ATP5MC2: variants seen among roughly 807,000 people sequenced by gnomAD.
ATP5MC2 encodes ATP synthase F(0) complex subunit C2, mitochondrial.
A neutral mutation model predicts 13.5 loss-of-function variants in ATP5MC2; 11 were observed. The ratio of observed to expected loss-of-function variants is 0.81; its 90% CI spans 0.51 to 1.35. ATP5MC2 has a LOEUF of 1.35. Among genes scored for constraint, ATP5MC2 ranks in the 40% most tolerant of loss-of-function variants. The pLI is 0.00. For synonymous variants in ATP5MC2, 64 were observed against 69.7 expected (o/e 0.92, Z 0.41); for missense variants, 132 against 175.0 (o/e 0.75, Z 1.39).
upstream of ATP5MC2, chr12:53,676,186 C>A (rs35269323): frequency 9.2e-5 from 149 of 1,613,134 alleles, no homozygotes; most frequent in Non-Finnish European, 1.2e-4. Context: ...AGGATCAGCT[C>A]AGGCATCACA....
intron 1 of ATP5MC2, among the ~76,000 whole-genome samples, chr12:53,674,726 G>C (rs1401438397): frequency 2.0e-5 from 3 of 152,180 alleles, no homozygotes; most frequent in Non-Finnish European, 2.9e-5. Context: ...GGGATTACAG[G>C]TGTGAGCCAC....
At chr12:53,678,384 ATCATC>A (rs1173253992), upstream of ATP5MC2, among the ~76,000 whole-genome samples, 1 of 151,850 alleles carries the variant, frequency 6.6e-6, no homozygotes, top group Non-Finnish European at 1.5e-5. Context: ...CATCATCACC[ATCATC>A]ATCACTGCTT....
chr12:53,675,543 G>A (rs541985262), intron 1 of ATP5MC2, among the ~76,000 whole-genome samples: 1 of 152,268 alleles, frequency 6.6e-6, no homozygotes, highest in South Asian at 2.1e-4. Flanking sequence ...CCATGTTCAA[G>A]GTTTACTTTT....
rs1231599970 is a variant in ATP5MC2, at chr12:53,669,462, C to T, written c.118-121G>A. 9.0e-6 allele frequency: 13 copies of T among 1,437,560 alleles called. No homozygotes were observed. In the South Asian group the frequency reaches 1.6e-4, roughly 17 times the overall value. 89.1% of individuals were successfully genotyped at this position (1,437,560 alleles called of 1,614,324 possible). ...CCCCAAACAGAAAATTGTTTAACGC[C>T]CTAAAATGCTGGCAAGTAGAACCTT... On this transcript the variant is annotated intron_variant, in intron 3 of 4. Transcript: ENST00000394349.
chr12:53,676,016 C>G, intron 1 of ATP5MC2, 37 bp downstream of exon 1: 2 of 1,601,430 alleles, frequency 1.2e-6, no homozygotes, highest in Non-Finnish European at 1.7e-6. Context: ...CGCGCGCGTG[C>G]GCAGCGCACA....
chr12:53,678,652 C>T (rs1945322192), upstream of ATP5MC2, among the ~76,000 whole-genome samples: 1 of 152,086 alleles, frequency 6.6e-6, no homozygotes, highest in Non-Finnish European at 1.5e-5. Context: ...AGTGAGGCTC[C>T]AAAAAGGAGG....
chr12:53,672,375 C>T (rs1197414026), intron 2 of ATP5MC2, among the ~76,000 whole-genome samples: 1 of 152,090 alleles, frequency 6.6e-6, no homozygotes, highest in African/African-American at 2.4e-5. Flanking sequence ...GCGCCCGCCA[C>T]CATGCCCAAC....
chr12:53,679,913 G>A (rs1429847395), upstream of ATP5MC2, among the ~76,000 whole-genome samples: 1 of 152,180 alleles, frequency 6.6e-6, no homozygotes, highest in African/African-American at 2.4e-5. Flanking sequence ...TAGGAGAGAT[G>A]GTGGCAGAGG....
chr12:53,676,119 C>T (rs1565629991), upstream of ATP5MC2: 10 of 1,614,246 alleles, frequency 6.2e-6, no homozygotes, highest in East Asian at 2.2e-5. Context: ...AGGCTCAGCG[C>T]ATGCGTGACC....
chr12:53,677,224 G>A (rs1945300175), upstream of ATP5MC2: 1 of 152,360 alleles, frequency 6.6e-6, no homozygotes, highest in Non-Finnish European at 1.5e-5. Flanking sequence ...CCCCGGCCCC[G>A]AGCTCCTCCA....
At chr12:53,666,170 G>A (rs1944908678) in intron 4 of ATP5MC2, among the ~76,000 whole-genome samples, 1 of 151,926 alleles carries the variant, frequency 6.6e-6, no homozygotes, top group African/African-American at 2.4e-5. Flanking sequence ...TAGGCCAGGC[G>A]CGGTGGCTCA....
chr12:53,671,007 C>T (rs1174066968), intron 2 of ATP5MC2, among the ~76,000 whole-genome samples: 1 of 144,410 alleles, frequency 6.9e-6, no homozygotes, highest in Non-Finnish European at 1.5e-5. Context: ...AGTTGGGGGC[C>T]TTCTGTATGG....
intron 2 of ATP5MC2, chr12:53,670,209 C>A: frequency 2.1e-6 from 1 of 481,984 alleles, no homozygotes; most frequent in Non-Finnish European, 3.9e-6. Context: ...AGCATCCAAC[C>A]TTGCTATATC....
At chr12:53,673,838 A>G in intron 1 of ATP5MC2, 1 of 178,076 alleles carries the variant, frequency 5.6e-6, no homozygotes, top group South Asian at 7.8e-5. Flanking sequence ...AAAAAAAAGT[A>G]TTAAATTGTG....
At chr12:53,673,295 G>A (rs555955581) in intron 1 of ATP5MC2, 1 of 152,576 alleles carries the variant, frequency 6.6e-6, no homozygotes, top group East Asian at 1.9e-4. Flanking sequence ...CTCCAGCCTG[G>A]GTGACAGAGC....
At chr12:53,673,824 A>T (rs1945185590) in intron 1 of ATP5MC2, 1 of 190,126 alleles carries the variant, frequency 5.3e-6, no homozygotes, top group Non-Finnish European at 1.1e-5. Flanking sequence ...TGTCTCAAAA[A>T]AAAAAAAAAA....
intron 3 of ATP5MC2, 79 bp downstream of exon 3, chr12:53,669,792 T>G (rs1162982687): frequency 4.1e-6 from 6 of 1,464,094 alleles, no homozygotes; most frequent in Non-Finnish European, 5.7e-6. Context: ...GTCCTCAGCA[T>G]TCTACCTCCT....
chr12:53,666,062 C>CT (rs1565624014), intron 4 of ATP5MC2, among the ~76,000 whole-genome samples: 1 of 152,224 alleles, frequency 6.6e-6, no homozygotes, highest in Non-Finnish European at 1.5e-5. Context: ...AATCCCAGCA[C>CT]TTTGGGAGGC....
chr12:53,676,130 C>A, upstream of ATP5MC2: 1 of 1,614,218 alleles, frequency 6.2e-7, no homozygotes, highest in South Asian at 1.1e-5. Context: ...ATGCGTGACC[C>A]GGGCCAACGA....
Sources: allele counts gnomAD v4.1 joint callset (sites outside exome capture counted in the v4.1 genomes callset), GRCh38; gene constraint gnomAD v4.1.1; transcripts MANE v1.5; gene names NCBI Gene and HGNC (gene_info 2026-07-23, HGNC 2026-07-21).